Variants in C1orf21 observed in about 807,000 individuals in gnomAD.
The protein encoded by C1orf21 is uncharacterized protein C1orf21.
C1orf21 carries 3 observed loss-of-function variants against 18.7 expected under a neutral mutation model. The observed-to-expected ratio is 0.16, with a 90% CI of 0.07 to 0.42. The LOEUF is 0.42. Ranked by LOEUF, C1orf21 falls within the 10% of genes least tolerant of loss-of-function variation. The pLI, the probability that C1orf21 is intolerant of heterozygous loss-of-function variation, is 0.99. For missense variants in C1orf21, 104 were observed against 143.6 expected, an observed-to-expected ratio of 0.72 and a Z score of 1.41; for synonymous variants, 41 against 46.4, an observed-to-expected ratio of 0.88 and a Z score of 0.47.
intron 1 of C1orf21, among the ~76,000 whole-genome samples, chr1:184,470,707 C>T (rs1376398714): frequency 6.6e-6 from 1 of 152,068 alleles, no homozygotes; most frequent in Admixed American, 6.6e-5. Flanking sequence ...GGCGAAATCC[C>T]ATCTCTGCTA....
At chr1:184,579,033 GC>G (rs1659234902) in intron 3 of C1orf21, among the ~76,000 whole-genome samples, 2 of 145,942 alleles carry the variant, frequency 1.4e-5, no homozygotes, top group Non-Finnish European at 3.0e-5. Flanking sequence ...CGTCTTGGGT[GC>G]CCTTTAAAGT....
At chr1:184,589,649 TC>T (rs1659410120) in intron 3 of C1orf21, among the ~76,000 whole-genome samples, 1 of 152,258 alleles carries the variant, frequency 6.6e-6, no homozygotes, top group African/African-American at 2.4e-5. Flanking sequence ...TATGATTGTT[TC>T]TTTTCCTAAA....
rs1043775903 is a variant in C1orf21 at position 184,588,165 on chromosome 1, C to G, written c.190-2574C>G. ...CTCTGGCAGATAAATTATGGATATTCAGACCTGGTATTTGGTAAATCATTT... is the reference window on the plus strand; with the variant it reads ...CTCTGGCAGATAAATTATGGATATTGAGACCTGGTATTTGGTAAATCATTT... On this transcript the variant is annotated intron_variant, in intron 3 of 5. Coordinates refer to ENST00000235307, the MANE Select transcript of C1orf21 (RefSeq NM_030806.4). 9.9e-5 allele frequency among the ~76,000 whole-genome samples: 15 copies of G among 152,094 alleles called. 1 individual carries two copies.
At chr1:184,442,988 C>G (rs1656970933) in intron 1 of C1orf21, among the ~76,000 whole-genome samples, 1 of 152,110 alleles carries the variant, frequency 6.6e-6, no homozygotes, top group Admixed American at 6.6e-5. Flanking sequence ...TGCATTCTTC[C>G]TGTCCAACTT....
At chr1:184,583,085 C>A (rs953682323) in intron 3 of C1orf21, among the ~76,000 whole-genome samples, 1 of 152,098 alleles carries the variant, frequency 6.6e-6, no homozygotes, top group Non-Finnish European at 1.5e-5. Context: ...GTGATCCGCC[C>A]GCCTCGGCCT....
chr1:184,520,158 A>G (rs1467444408), intron 3 of C1orf21, among the ~76,000 whole-genome samples: 1 of 152,192 alleles, frequency 6.6e-6, no homozygotes, highest in Non-Finnish European at 1.5e-5. Context: ...TTGAAAAGTA[A>G]AACAATTGAT....
At chr1:184,498,966 G>A (rs575601054) in intron 2 of C1orf21, among the ~76,000 whole-genome samples, 1 of 152,272 alleles carries the variant, frequency 6.6e-6, no homozygotes, top group African/African-American at 2.4e-5. Flanking sequence ...TCTTTATGAT[G>A]GAGACATTAA....
chr1:184,587,335 T>C (rs1313653014), intron 3 of C1orf21, among the ~76,000 whole-genome samples: 2 of 151,326 alleles, frequency 1.3e-5, no homozygotes, highest in Non-Finnish European at 2.9e-5. Context: ...AAGACATTGG[T>C]AGTTTAATAG....
At chr1:184,494,628 C>T (rs1657863141) in intron 2 of C1orf21, among the ~76,000 whole-genome samples, 2 of 152,148 alleles carry the variant, frequency 1.3e-5, no homozygotes, top group African/African-American at 4.8e-5. Context: ...CTGTTAAGGG[C>T]AGCAGTGGGA....
chr1:184,411,508 G>C (rs868613389), intron 1 of C1orf21, among the ~76,000 whole-genome samples: 1 of 136,296 alleles, frequency 7.3e-6, no homozygotes, highest in African/African-American at 2.8e-5. Context: ...TGCAAGCTCC[G>C]CCTCCCGGGT....
At chr1:184,515,488 G>A (rs891025233) in intron 3 of C1orf21, among the ~76,000 whole-genome samples, 5 of 152,096 alleles carry the variant, frequency 3.3e-5, no homozygotes, top group South Asian at 2.1e-4. Flanking sequence ...ACCGGGCGTC[G>A]TTACGTAGGT....
chr1:184,477,752 A>G lies in C1orf21; in HGVS notation c.94+149A>G, dbSNP rs1657594448. The stretch of plus-strand genomic sequence containing the variant: ...TGTAACGATCAAGTCGGTATTTAGG[A>G]TATCTATCACCTCGAGCATTTATTG... On this transcript the variant is annotated intron_variant, in intron 2 of 5. Transcript: ENST00000235307. 6 of 642,022 alleles carry G rather than the reference A, an allele frequency of 9.3e-6. No individual in the cohort carries two copies. The South Asian group carries it at 1.2e-4, about 13-fold the overall frequency. The allele number at this position is 642,022 out of a possible 1,614,324, so 39.8% of individuals were successfully genotyped here. A position where few individuals can be genotyped will look rare whatever the true frequency, so the allele number is the denominator to read the frequency against.
At chr1:184,407,538 G>T (rs953737636) in intron 1 of C1orf21, among the ~76,000 whole-genome samples, 1 of 152,180 alleles carries the variant, frequency 6.6e-6, no homozygotes, top group African/African-American at 2.4e-5. Context: ...CATCCGCTTA[G>T]TGCAGCGTGT....
intron 2 of C1orf21, among the ~76,000 whole-genome samples, chr1:184,497,033 A>G (rs762890505): frequency 6.6e-6 from 1 of 152,226 alleles, no homozygotes; most frequent in Non-Finnish European, 1.5e-5. Flanking sequence ...CTCTCAGTAC[A>G]GAGCCTACCT....
chr1:184,626,720 T>A lies in C1orf21; in HGVS notation c.*7164T>A, dbSNP rs1660017580. Reference sequence around the variant, plus strand: ...TCATCCCAGGGTGTCCTCTGTCCCTTACCCAGCCCCAACTCCTCTTCCTCT... The same window carrying A: ...TCATCCCAGGGTGTCCTCTGTCCCTAACCCAGCCCCAACTCCTCTTCCTCT... On this transcript the variant is annotated 3_prime_UTR_variant, in exon 6 of 6. Coordinates refer to ENST00000235307, the MANE Select transcript of C1orf21 (RefSeq NM_030806.4). The A allele has an allele frequency of 6.6e-6, 1 of 152,302 alleles. No individual in the cohort carries two copies. Among genetic ancestry groups the A allele is most frequent in the Non-Finnish European group, 1.5e-5 (1 of 68,180 alleles). 9.4% of individuals were successfully genotyped at this position (152,302 alleles called of 1,614,324 possible).
chr1:184,525,009 A>G (rs574584113), intron 3 of C1orf21, among the ~76,000 whole-genome samples: 1 of 152,130 alleles, frequency 6.6e-6, no homozygotes, highest in African/African-American at 2.4e-5. Context: ...TCTGAGTTGG[A>G]AGAATGGCAA....
At chr1:184,467,957 T>C (rs771900649) in intron 1 of C1orf21, among the ~76,000 whole-genome samples, 1 of 152,024 alleles carries the variant, frequency 6.6e-6, no homozygotes, top group Non-Finnish European at 1.5e-5. Flanking sequence ...GGGTATTCTC[T>C]GTTGTAGTTT....
intron 1 of C1orf21, among the ~76,000 whole-genome samples, chr1:184,473,981 A>G (rs976835276): frequency 6.6e-6 from 1 of 152,248 alleles, no homozygotes; most frequent in Non-Finnish European, 1.5e-5. Flanking sequence ...TGTTGATTAA[A>G]TGAATGAATA....
At position 184,477,396 on chromosome 1, in the gene C1orf21, C is replaced by A; in HGVS notation, c.-114C>A. ...TTTCTTTTCTTGCAGGTGCACACATCTTGACCAACTCAGCAGCAAGGTGGA... is the reference window on the plus strand; with the variant it reads ...TTTCTTTTCTTGCAGGTGCACACATATTGACCAACTCAGCAGCAAGGTGGA... On this transcript the variant is annotated 5_prime_UTR_variant, in exon 2 of 6. Coordinates refer to ENST00000235307, the MANE Select transcript of C1orf21 (RefSeq NM_030806.4). 1.3e-6 allele frequency: 1 copy of A among 794,052 alleles called. No individual in the cohort carries two copies. The highest frequency in any genetic ancestry group is 2.0e-6 in the Non-Finnish European group (1 of 495,548). 49.2% of individuals were successfully genotyped at this position (794,052 alleles called of 1,614,324 possible). A position where few individuals can be genotyped will look rare whatever the true frequency, so the allele number is the denominator to read the frequency against.
Sources: allele counts gnomAD v4.1 joint callset (sites outside exome capture counted in the v4.1 genomes callset), GRCh38; gene constraint gnomAD v4.1.1; transcripts MANE v1.5; gene names NCBI Gene and HGNC (gene_info 2026-07-23, HGNC 2026-07-21).